IQCH: variants seen among roughly 807,000 people sequenced by gnomAD.
IQCH encodes the protein IQ motif containing H.
Under a neutral mutation model 117.0 loss-of-function variants are expected in IQCH, and 98 were observed. The ratio of observed to expected loss-of-function variants is 0.84; its 90% CI spans 0.71 to 0.99. IQCH has a LOEUF of 0.99. IQCH is among the 50% of genes least tolerant of loss of function. The pLI is 0.00. For missense variants in IQCH, 1,102 were observed against 1,243.8 expected (o/e 0.89, Z 1.72); for synonymous variants, 412 against 448.2 (o/e 0.92, Z 1.02).
In IQCH at chr15:67,453,132, T is replaced by G. The variant is rs2082574051; in HGVS notation, c.2506-11995T>G. On this transcript the variant is annotated intron_variant, in intron 16 of 20. Coordinates refer to ENST00000335894, the MANE Select transcript of IQCH (RefSeq NM_001031715.3). The surrounding 1 kb of genome is among the most constrained non-coding windows in gnomAD (Gnocchi z 5.8). ...ATTCTAGTTATCCATTCGTCTAATTTTTTTTCAAAGCTTTTAACTTCTTTG... is the reference window on the plus strand; with the variant it reads ...ATTCTAGTTATCCATTCGTCTAATTGTTTTTCAAAGCTTTTAACTTCTTTG... Among the ~76,000 whole-genome samples the G allele has an allele frequency of 6.6e-6, 1 of 152,208 alleles. No individual in the cohort carries two copies. The highest frequency in any genetic ancestry group is 6.5e-5 in the Admixed American group (1 of 15,288).
intron 4 of IQCH, among the ~76,000 whole-genome samples, chr15:67,284,857 T>C (rs139523847): frequency 1.4e-3 from 216 of 152,344 alleles, no homozygotes; most frequent in African/African-American, 5.0e-3. Flanking sequence ...CAGTCTATTA[T>C]TGATGGATAT....
rs7169908 is a variant in IQCH at position 67,358,464 on chromosome 15, G to C, written c.714+1043G>C. Among the ~76,000 whole-genome samples the C allele has an allele frequency of 6.5e-3, 983 of 152,078 alleles. 11 individuals are homozygous for C. Among genetic ancestry groups the C allele is most frequent in the African/African-American group, 0.023 (942 of 41,486 alleles). On this transcript the variant is annotated intron_variant, in intron 7 of 20. Coordinates refer to ENST00000335894, the MANE Select transcript of IQCH (RefSeq NM_001031715.3). ...ACCTGCCTCGGCCTCCCAAAATGCT[G>C]GGATTGTAGGCATAAGCCACCACAC...
chr15:67,299,038 A>G (rs1430084600), intron 4 of IQCH, among the ~76,000 whole-genome samples: 1 of 151,934 alleles, frequency 6.6e-6, no homozygotes, highest in African/African-American at 2.4e-5. Context: ...CAGATGAATA[A>G]AGAAAATGTG....
chr15:67,462,814 G>C (rs2082831172), intron 16 of IQCH, among the ~76,000 whole-genome samples: 1 of 151,952 alleles, frequency 6.6e-6, no homozygotes, highest in Non-Finnish European at 1.5e-5. Context: ...TGCTAGAATA[G>C]CAAGCTCACT....
chr15:67,288,755 G>T (rs576757714), intron 4 of IQCH, among the ~76,000 whole-genome samples: 3 of 152,188 alleles, frequency 2.0e-5, no homozygotes, highest in East Asian at 3.9e-4. Context: ...AGTTATTACT[G>T]ATAACTACGT....
intron 4 of IQCH, among the ~76,000 whole-genome samples, chr15:67,302,394 TGTGA>T (rs1186567312): frequency 1.3e-5 from 2 of 152,158 alleles, no homozygotes; most frequent in African/African-American, 4.8e-5. Context: ...GGAGTAGTGC[TGTGA>T]GTGTTACCCA....
In IQCH at chr15:67,454,212, T is replaced by G. The variant is rs990280861; in HGVS notation, c.2506-10915T>G. On this transcript the variant is annotated intron_variant, in intron 16 of 20. Transcript: ENST00000335894. The surrounding 1 kb of genome is among the most constrained non-coding windows in gnomAD (Gnocchi z 5.2). The stretch of plus-strand genomic sequence containing the variant: ...CGATGCCTTGCCCTGCTTTGGCTCA[T>G]GCATGGTGTGCTGCACCCACCATCC... Among the ~76,000 whole-genome samples, 20 of 152,330 alleles carry G rather than the reference T, an allele frequency of 1.3e-4. No individual in the cohort carries two copies. Among genetic ancestry groups the G allele is most frequent in the African/African-American group, 4.6e-4 (19 of 41,578 alleles).
rs79270921 is a variant in IQCH at position 67,443,730 on chromosome 15, G to A, written c.2506-21397G>A. Reference sequence around the variant, plus strand: ...CTCATCATGGATTCCCCCTTAAAGTGCCACTTCATCCTCTAGCCCTAGCTC... The same window carrying A: ...CTCATCATGGATTCCCCCTTAAAGTACCACTTCATCCTCTAGCCCTAGCTC... On this transcript the variant is annotated intron_variant, in intron 16 of 20. Coordinates refer to ENST00000335894, the MANE Select transcript of IQCH (RefSeq NM_001031715.3). The surrounding 1 kb of genome is among the most constrained non-coding windows in gnomAD (Gnocchi z 5.0). Among the ~76,000 whole-genome samples the A allele has an allele frequency of 1.1e-3, 173 of 152,218 alleles. 4 individuals carry two copies. The East Asian group carries it at 0.031, about 27-fold the overall frequency.
Position 67,395,471 on chromosome 15 carries a change from C to A in IQCH, c.1813C>A (p.Leu605Ile). The change falls in exon 13 of 21, where the codon CTT becomes ATT. Residue 605 changes from leucine (L) to isoleucine (I), a missense_variant. This residue lies in a region of IQCH where 650 missense variants were observed against 794.3 expected (regional missense o/e 0.82). Coordinates refer to ENST00000335894, the MANE Select transcript of IQCH (RefSeq NM_001031715.3). This position sits in a 1 kb window ranked among gnomAD's most constrained non-coding sequence, Gnocchi z 4.0. ...ILGSEPELAH[L>I]YSTKSGGKRV... ...GGGCTCTGAGCCTGAACTAGCTCAT[C>A]TTTATAGTACCAAATCTGGAGGCAA... The A allele has an allele frequency of 1.2e-6, 2 of 1,614,038 alleles. No individual in the cohort carries two copies. The highest frequency in any genetic ancestry group is 1.7e-6 in the Non-Finnish European group (2 of 1,179,980).
At chr15:67,441,122 CAAAAAAAAAAAAAAAAAA>C (rs200254535) in intron 16 of IQCH, among the ~76,000 whole-genome samples, 2,133 of 54,224 alleles carry the variant, frequency 0.039, 142 homozygotes, top group African/African-American at 0.14. Flanking sequence ...GCAATAGCTG[CAAAAAAAAAAAAAAAAAA>C]AAAAAAAAAA....
At chr15:67,322,900 A>T (rs547064757) in intron 4 of IQCH, among the ~76,000 whole-genome samples, 1 of 152,300 alleles carries the variant, frequency 6.6e-6, no homozygotes, top group Non-Finnish European at 1.5e-5. Flanking sequence ...ATTATGCAAA[A>T]GAGGTTAAAG....
chr15:67,329,201 A>G (rs998055838), intron 4 of IQCH, among the ~76,000 whole-genome samples: 2 of 151,734 alleles, frequency 1.3e-5, no homozygotes, highest in African/African-American at 2.4e-5. Context: ...CAAGAGGCTG[A>G]GGTAGGAGGA....
At position 67,344,242 on chromosome 15, in the gene IQCH, C is replaced by G. The variant is rs763518713; in HGVS notation, c.637+51C>G. 3.8e-6 allele frequency: 6 copies of G among 1,585,728 alleles called. No homozygotes were observed. In the East Asian group the frequency reaches 9.0e-5, roughly 24 times the overall value. ...AGTTGGGGACACACAGAAATTATCTCTGCCCCAGATCTAGCCTTCTAGTAG... is the reference window on the plus strand; with the variant it reads ...AGTTGGGGACACACAGAAATTATCTGTGCCCCAGATCTAGCCTTCTAGTAG... On this transcript the variant is annotated intron_variant, in intron 6 of 20. Coordinates refer to ENST00000335894, the MANE Select transcript of IQCH (RefSeq NM_001031715.3).
rs1294352855 is a variant in IQCH, at chr15:67,467,273, G to T, written c.2676+1976G>T. 3.3e-5 allele frequency among the ~76,000 whole-genome samples: 5 copies of T among 152,144 alleles called. No homozygotes were observed. The highest frequency in any genetic ancestry group is 7.2e-5 in the African/African-American group (3 of 41,436). ...GGAAGCAGAGTGGTATTCAGCACAA[G>T]ACTTCCAAAGACAATTGCAGCTTTG... is the stretch of plus-strand genomic sequence containing the variant. On this transcript the variant is annotated intron_variant, in intron 17 of 20. Coordinates refer to ENST00000335894, the MANE Select transcript of IQCH (RefSeq NM_001031715.3). The surrounding 1 kb of genome is among the most constrained non-coding windows in gnomAD (Gnocchi z 5.7).
intron 6 of IQCH, among the ~76,000 whole-genome samples, chr15:67,355,185 ATTGT>A (rs1221789160): frequency 3.3e-5 from 5 of 152,176 alleles, no homozygotes; most frequent in Non-Finnish European, 7.4e-5. Flanking sequence ...AAACTTATTT[ATTGT>A]TTATCTTAAG....
chr15:67,470,986 T>G (rs752219961), intron 17 of IQCH, among the ~76,000 whole-genome samples: 34 of 152,230 alleles, frequency 2.2e-4, no homozygotes, highest in Non-Finnish European at 4.4e-4. Context: ...TCTCTAACAC[T>G]TCATTAAAAA....
intron 6 of IQCH, among the ~76,000 whole-genome samples, chr15:67,348,158 TTGAA>T (rs1164604956): frequency 6.6e-6 from 1 of 152,126 alleles, no homozygotes; most frequent in Non-Finnish European, 1.5e-5. Flanking sequence ...ACAATAGTGT[TTGAA>T]TGAATGCTTT....
rs2140997708 is a variant in IQCH, at chr15:67,454,184, G to A, written c.2506-10943G>A. 6.6e-6 allele frequency among the ~76,000 whole-genome samples: 1 copy of A among 152,312 alleles called. No individual in the cohort carries two copies. Among genetic ancestry groups the A allele is most frequent in the South Asian group, 2.1e-4 (1 of 4,830 alleles). On this transcript the variant is annotated intron_variant, in intron 16 of 20. Transcript: ENST00000335894. This position sits in a 1 kb window ranked among gnomAD's most constrained non-coding sequence, Gnocchi z 5.2. ...CCTGACCCCTTGCGCTTCCCAGGTG[G>A]GGCGATGCCTTGCCCTGCTTTGGCT... is the stretch of plus-strand genomic sequence containing the variant.
At chr15:67,383,624 T>A (rs945142098) in intron 10 of IQCH, among the ~76,000 whole-genome samples, 1 of 152,202 alleles carries the variant, frequency 6.6e-6, no homozygotes, top group Non-Finnish European at 1.5e-5. Flanking sequence ...TTTATTTGAA[T>A]ATAGATAAAA....
Sources: allele counts gnomAD v4.1 joint callset (sites outside exome capture counted in the v4.1 genomes callset), GRCh38; gene constraint gnomAD v4.1.1; regional missense constraint gnomAD v4.1.1; non-coding constraint Gnocchi (gnomAD v3.1); transcripts MANE v1.5; gene names NCBI Gene and HGNC (gene_info 2026-07-23, HGNC 2026-07-21).